The following ARHGAP22 variants were observed in gnomAD, a reference collection of about 807,000 sequenced individuals.
The protein encoded by ARHGAP22 is Rho GTPase activating protein 22.
A neutral mutation model predicts 59.1 loss-of-function variants in ARHGAP22; 48 were observed. The observed-to-expected ratio is 0.81, with a 90% CI of 0.64 to 1.03. The LOEUF (loss-of-function observed/expected upper bound fraction) is 1.03. ARHGAP22 is among the 50% of genes least tolerant of loss of function. ARHGAP22 has a pLI of 0.00. For synonymous variants in ARHGAP22, 445 were observed against 416.4 expected (o/e 1.07, Z -0.84); for missense variants, 1,015 against 958.7 (o/e 1.06, Z -0.78).
intron 3 of ARHGAP22, among the ~76,000 whole-genome samples, chr10:48,552,539 C>T (rs994884126): frequency 6.6e-6 from 1 of 152,278 alleles, no homozygotes; most frequent in Non-Finnish European, 1.5e-5. Flanking sequence ...GTGCTTGGTG[C>T]ACACTGGCAT....
rs75228923 is a variant in ARHGAP22, at chr10:48,480,982, G to A, written c.323-1218C>T. ...GTCCTGGCTGAGGGCACCACAGCGG[G>A]CCCGTGGGGAGGCAGGGGGAGAGGC... On this transcript the variant is annotated intron_variant, in intron 3 of 9. Coordinates refer to ENST00000249601, the MANE Select transcript of ARHGAP22 (RefSeq NM_021226.4). Among the ~76,000 whole-genome samples, 1,457 of 152,368 alleles carry A rather than the reference G, an allele frequency of 9.6e-3. 25 individuals carry two copies. The highest frequency in any genetic ancestry group is 0.033 in the African/African-American group (1,387 of 41,594).
the ARHGAP22 span, among the ~76,000 whole-genome samples, chr10:48,432,606 AGGT>A: frequency 1.3e-5 from 2 of 152,230 alleles, no homozygotes; most frequent in African/African-American, 4.8e-5. Context: ...ATGGAGGCTC[AGGT>A]GGGATTTGAA....
intron 2 of ARHGAP22, among the ~76,000 whole-genome samples, chr10:48,563,846 G>A (rs1214841221): frequency 6.6e-6 from 1 of 152,088 alleles, no homozygotes; most frequent in Non-Finnish European, 1.5e-5. Context: ...CTTGTTGAAA[G>A]GCTGATTTTT....
intron 1 of ARHGAP22, among the ~76,000 whole-genome samples, chr10:48,614,926 A>G (rs772365191): frequency 2.6e-5 from 4 of 152,330 alleles, no homozygotes; most frequent in Non-Finnish European, 4.4e-5. Context: ...AACTCTTCCA[A>G]TGCTAAAGCA....
Position 48,468,911 on chromosome 10 carries a change from A to C in ARHGAP22, c.452-9020T>G, listed in dbSNP as rs536180068. The stretch of plus-strand genomic sequence containing the variant: ...AGGGCAGGTTGGTGCAGGGTGTCAC[A>C]AGCCAAGGAATGTCTGCCCTCCACC... On this transcript the variant is annotated intron_variant, in intron 4 of 9. Transcript: ENST00000249601. Among the ~76,000 whole-genome samples, 5 of 152,212 alleles carry C rather than the reference A, an allele frequency of 3.3e-5. No homozygotes were observed. The East Asian group carries it at 9.7e-4, about 29-fold the overall frequency.
upstream of ARHGAP22, among the ~76,000 whole-genome samples, chr10:48,653,386 A>G (rs2062637577): frequency 6.6e-6 from 1 of 152,238 alleles, no homozygotes; most frequent in Admixed American, 6.5e-5. Context: ...CCACTGCAGG[A>G]AGGTGCACCC....
At chr10:48,434,583 G>T in the ARHGAP22 span, among the ~76,000 whole-genome samples, 2 of 152,306 alleles carry the variant, frequency 1.3e-5, no homozygotes, top group African/African-American at 4.8e-5. Context: ...CCCATTCATG[G>T]ATCTTGCTGC....
chr10:48,448,574 G>A (rs2045589671), intron 9 of ARHGAP22, among the ~76,000 whole-genome samples: 1 of 152,102 alleles, frequency 6.6e-6, no homozygotes. Context: ...AGTCCTGGGA[G>A]CCAGGACAAG....
At chr10:48,434,758 A>T in the ARHGAP22 span, 1 of 690,946 alleles carries the variant, frequency 1.4e-6, no homozygotes, top group Non-Finnish European at 2.3e-6. Flanking sequence ...ATCATTTGCG[A>T]TTATTTTTAG....
chr10:48,641,303 C>A (rs548473440), intron 1 of ARHGAP22, among the ~76,000 whole-genome samples: 1 of 152,218 alleles, frequency 6.6e-6, no homozygotes, highest in South Asian at 2.1e-4. Flanking sequence ...CAAAGACTCT[C>A]CATAAAATAG....
intron 3 of ARHGAP22, chr10:48,511,517 C>G (rs937295396): frequency 6.6e-6 from 1 of 152,278 alleles, no homozygotes; most frequent in Non-Finnish European, 1.5e-5. Flanking sequence ...GAAGCAGAAA[C>G]AACCTAATCT....
At chr10:48,570,843 A>G (rs1361597279) in intron 2 of ARHGAP22, among the ~76,000 whole-genome samples, 1 of 152,190 alleles carries the variant, frequency 6.6e-6, no homozygotes, top group African/African-American at 2.4e-5. Flanking sequence ...ACCTGGCCCA[A>G]TAGTGGAGCC....
chr10:48,553,916 G>C (rs1078261), intron 3 of ARHGAP22, among the ~76,000 whole-genome samples: 91,525 of 151,924 alleles, frequency 0.6, 28,383 homozygotes, highest in East Asian at 0.98. Context: ...CACTACCCCT[G>C]TCCCCAGAGC....
chr10:48,502,484 G>T (rs1305674200), intron 3 of ARHGAP22, among the ~76,000 whole-genome samples: 1 of 152,130 alleles, frequency 6.6e-6, no homozygotes, highest in Non-Finnish European at 1.5e-5. Flanking sequence ...CTTCCCACTG[G>T]GCTCCTGCTT....
chr10:48,639,276 G>A (rs1180462548), intron 1 of ARHGAP22, among the ~76,000 whole-genome samples: 2 of 152,212 alleles, frequency 1.3e-5, no homozygotes, highest in African/African-American at 2.4e-5. Flanking sequence ...TTAGTCTGAG[G>A]TTGCAGTCAA....
rs148992704 is a variant in ARHGAP22 at position 48,446,459 on chromosome 10, T to C, written c.2029A>G (p.Met677Val). The change falls in exon 10 of 10, where the codon ATG (methionine) becomes GTG (valine). Residue 677 changes from methionine (M) to valine (V), a missense_variant. Transcript: ENST00000249601. Reference sequence around the variant, plus strand: ...CCTAGGGTCGAAAAAAACTCCTCCATTTCCCTCTGCAACAGCTGGTTCCTC... The same window carrying C: ...CCTAGGGTCGAAAAAAACTCCTCCACTTCCCTCTGCAACAGCTGGTTCCTC... Reference protein sequence around the residue: ...ERRNQLLQREMEEFFSTLGSL... With the variant: ...ERRNQLLQREVEEFFSTLGSL... 2.1e-4 allele frequency: 342 copies of C among 1,614,204 alleles called. No homozygotes were observed. The Middle Eastern group carries it at 3.8e-3, about 18-fold the overall frequency.
upstream of ARHGAP22, among the ~76,000 whole-genome samples, chr10:48,654,595 G>A (rs2062683563): frequency 6.6e-6 from 1 of 152,176 alleles, no homozygotes; most frequent in Non-Finnish European, 1.5e-5. Context: ...ACCAAGGTTG[G>A]GGAGAAGGGG....
chr10:48,546,778 C>T (rs1412202660), intron 3 of ARHGAP22: 2 of 152,470 alleles, frequency 1.3e-5, no homozygotes, highest in African/African-American at 4.8e-5. Flanking sequence ...CATCACACAG[C>T]ATTGTGATGG....
In ARHGAP22 at chr10:48,563,187, A is replaced by ATTTTTTTTTTTT. The variant is rs558735630; in HGVS notation, c.235-7649_235-7638dup. On this transcript the variant is annotated intron_variant, in intron 2 of 9. Transcript: ENST00000249601. ...AGATCCACTTGGATAATCCAGGATAATTTTTTTTTTTTTTTTTTTTTTTTG... is the reference window on the plus strand; with the variant it reads ...AGATCCACTTGGATAATCCAGGATAATTTTTTTTTTTTTTTTTTTTTTTTTTTTTTTTTTTTG... Among the ~76,000 whole-genome samples the ATTTTTTTTTTTT allele has an allele frequency of 7.9e-4, 82 of 104,226 alleles. 3 individuals carry two copies. The highest frequency in any genetic ancestry group is 2.0e-3 in the East Asian group (4 of 2,026). 68.4% of individuals were successfully genotyped at this position (104,226 alleles called of 152,430 possible).
Sources: allele counts gnomAD v4.1 joint callset (sites outside exome capture counted in the v4.1 genomes callset), GRCh38; gene constraint gnomAD v4.1.1; transcripts MANE v1.5; gene names NCBI Gene and HGNC (gene_info 2026-07-23, HGNC 2026-07-21).